The following ADAM22 variants were observed in gnomAD, a reference collection of about 807,000 sequenced individuals.
The protein encoded by ADAM22 is ADAM metallopeptidase domain 22.
In ADAM22, 65 loss-of-function variants were observed where a neutral mutation model predicts 144.6. The observed-to-expected ratio is 0.45, with a 90% CI of 0.37 to 0.55. The LOEUF (loss-of-function observed/expected upper bound fraction) is 0.55, where lower values mean the gene tolerates loss of function less well. Among genes scored for constraint, ADAM22 ranks in the 20% least tolerant of loss-of-function variants. The pLI is 0.00. For synonymous variants in ADAM22, 391 were observed against 412.6 expected (o/e 0.95, Z 0.63); for missense variants, 974 against 1,184.9 (o/e 0.82, Z 2.61).
Position 88,153,204 on chromosome 7 carries a change from AT to A in ADAM22, c.1682-10del, listed in dbSNP as rs746870922. On this transcript the variant is annotated splice_polypyrimidine_tract_variant and intron_variant, in intron 20 of 31. Transcript: ENST00000413139. ...ATCGTACTTCCCTCACTGATAGAAA[AT>A]TTTTTTCTGCCTTAGAGGTGACAGC... 6.3e-7 allele frequency: 1 copy of A among 1,596,832 alleles called. No homozygotes were observed. Among genetic ancestry groups the A allele is most frequent in the Non-Finnish European group, 8.5e-7 (1 of 1,170,244 alleles).
intron 4 of ADAM22, among the ~76,000 whole-genome samples, chr7:88,101,311 G>A (rs970407974): frequency 6.6e-6 from 1 of 152,086 alleles, no homozygotes; most frequent in African/African-American, 2.4e-5. Flanking sequence ...ATGGCAGAAG[G>A]CTGGTTCTAG....
chr7:88,007,438 C>T (rs1794199701), intron 3 of ADAM22, among the ~76,000 whole-genome samples: 1 of 152,124 alleles, frequency 6.6e-6, no homozygotes, highest in Non-Finnish European at 1.5e-5. Context: ...CCCGCATTGC[C>T]AAGTCAATCC....
At position 88,092,265 on chromosome 7, in the gene ADAM22, G is replaced by A. The variant is rs141615810; in HGVS notation, c.391-15911G>A. Among the ~76,000 whole-genome samples the A allele has an allele frequency of 2.3e-3, 349 of 152,190 alleles. 2 individuals are homozygous for A. The highest frequency in any genetic ancestry group is 0.02 in the Middle Eastern group (6 of 294). ...TATTTGATTGTATCTCTGCCAAAGA[G>A]CTTCAAAATACCCATCCCCCCTACC... On this transcript the variant is annotated intron_variant, in intron 4 of 31. Transcript: ENST00000413139.
At chr7:88,162,134 C>CACACACACACACACACACACA (rs1841864730) in intron 22 of ADAM22, among the ~76,000 whole-genome samples, 1 of 62,044 alleles carries the variant, frequency 1.6e-5, no homozygotes. Flanking sequence ...ACACACACAC[C>CACACACACACACACACACACA]ATGGAATACT....
At chr7:88,051,661 T>A (rs904589682) in intron 3 of ADAM22, among the ~76,000 whole-genome samples, 2 of 151,916 alleles carry the variant, frequency 1.3e-5, no homozygotes, top group African/African-American at 4.8e-5. Context: ...GTAACAAACC[T>A]GCACATTGTG....
chr7:88,111,046 T>A (rs1397982611), intron 5 of ADAM22, among the ~76,000 whole-genome samples: 1 of 151,280 alleles, frequency 6.6e-6, no homozygotes, highest in Non-Finnish European at 1.5e-5. Flanking sequence ...AAATTTTATA[T>A]CTCCTTTTAA....
chr7:88,145,746 T>TA (rs1216679112), intron 17 of ADAM22, among the ~76,000 whole-genome samples: 1 of 152,166 alleles, frequency 6.6e-6, no homozygotes, highest in African/African-American at 2.4e-5. Context: ...CCCAAGGTCT[T>TA]ACACCAAGTA....
intron 2 of ADAM22, among the ~76,000 whole-genome samples, chr7:87,950,333 C>G (rs1425748994): frequency 2.9e-5 from 4 of 139,372 alleles, no homozygotes; most frequent in Non-Finnish European, 4.6e-5. Context: ...GTTCCCCTTC[C>G]TGTGTCCATG....
intron 29 of ADAM22, among the ~76,000 whole-genome samples, chr7:88,185,291 A>C (rs986390824): frequency 1.3e-5 from 2 of 152,174 alleles, no homozygotes; most frequent in Non-Finnish European, 1.5e-5. Context: ...TTCAGAAGGG[A>C]ATTTCACAAT....
At chr7:88,011,109 T>C (rs1795244413) in intron 3 of ADAM22, among the ~76,000 whole-genome samples, 1 of 152,172 alleles carries the variant, frequency 6.6e-6, no homozygotes, top group African/African-American at 2.4e-5. Context: ...ACTTGGAATA[T>C]AATTAGGAAA....
chr7:88,157,389 AT>A (rs1186277355), intron 22 of ADAM22, among the ~76,000 whole-genome samples: 2 of 152,298 alleles, frequency 1.3e-5, no homozygotes, highest in Middle Eastern at 6.8e-3. Context: ...ATGGTTTAGG[AT>A]TTGGCAACAG....
intron 3 of ADAM22, among the ~76,000 whole-genome samples, chr7:88,051,975 A>G (rs191727436): frequency 6.6e-6 from 1 of 152,210 alleles, no homozygotes; most frequent in East Asian, 1.9e-4. Context: ...AATTCAGAAT[A>G]TGGGTTTAGG....
At chr7:88,153,052 G>C (rs1048305731) in intron 20 of ADAM22, among the ~76,000 whole-genome samples, 169 bp from the exon 21 acceptor site, 1 of 152,064 alleles carries the variant, frequency 6.6e-6, no homozygotes, top group South Asian at 2.1e-4. Flanking sequence ...CTGAGTCATG[G>C]ATATATATGA....
Position 88,201,703 on chromosome 7 carries a change from G to A in ADAM22, c.*5212G>A, listed in dbSNP as rs1276795179. ...TTTCATCAAGTAATCATCATTCCAT[G>A]TTCCTACGTATCCTTGAAATCAAAA... On this transcript the variant is annotated 3_prime_UTR_variant, in exon 32 of 32. Transcript: ENST00000413139. 1 of 152,142 alleles carries A rather than the reference G, an allele frequency of 6.6e-6. No individual in the cohort carries two copies. The allele number at this position is 152,142 out of a possible 1,614,324, so 9.4% of individuals were successfully genotyped here. A position where few individuals can be genotyped will look rare whatever the true frequency, so the allele number is the denominator to read the frequency against.
In ADAM22 at chr7:88,113,717, T is replaced by A. The variant is rs1384752432; in HGVS notation, c.474-867T>A. Among the ~76,000 whole-genome samples, 33 of 112,562 alleles carry A rather than the reference T, an allele frequency of 2.9e-4. 2 individuals carry two copies. The South Asian group carries it at 4.0e-3, about 14-fold the overall frequency. 73.8% of individuals were successfully genotyped at this position (112,562 alleles called of 152,430 possible). On this transcript the variant is annotated intron_variant, in intron 5 of 31. Coordinates refer to ENST00000413139, the MANE Select transcript of ADAM22 (RefSeq NM_001324418.2). ...ATAAATAAATAAATATATATATATATATATATATATATATATATATATAGT... is the reference window on the plus strand; with the variant it reads ...ATAAATAAATAAATATATATATATAAATATATATATATATATATATATAGT...
chr7:88,009,569 A>G (rs1794878936), intron 3 of ADAM22, among the ~76,000 whole-genome samples: 2 of 151,804 alleles, frequency 1.3e-5, no homozygotes. Flanking sequence ...AAAATAGTGT[A>G]TTCAAACTTC....
At chr7:88,123,411 A>G (rs1040494697) in intron 7 of ADAM22, among the ~76,000 whole-genome samples, 1 of 152,094 alleles carries the variant, frequency 6.6e-6, no homozygotes, top group Non-Finnish European at 1.5e-5. Flanking sequence ...ATTAAGAATT[A>G]AAGTTATTTA....
chr7:87,992,138 G>C (rs906986194), intron 3 of ADAM22, among the ~76,000 whole-genome samples: 1 of 152,170 alleles, frequency 6.6e-6, no homozygotes, highest in Non-Finnish European at 1.5e-5. Flanking sequence ...CCTGGTTAAA[G>C]GGCTTCTGAT....
intron 4 of ADAM22, among the ~76,000 whole-genome samples, chr7:88,089,538 G>A (rs776147294): frequency 2.6e-5 from 4 of 152,098 alleles, no homozygotes; most frequent in Non-Finnish European, 4.4e-5. Context: ...CTCAGCAACA[G>A]CATTTCTCTT....
Sources: allele counts gnomAD v4.1 joint callset (sites outside exome capture counted in the v4.1 genomes callset), GRCh38; gene constraint gnomAD v4.1.1; transcripts MANE v1.5; gene names NCBI Gene and HGNC (gene_info 2026-07-23, HGNC 2026-07-21).